PRKG1: variants seen among roughly 807,000 people sequenced by gnomAD.
PRKG1 encodes cGMP-dependent protein kinase 1.
Under a neutral mutation model 88.1 loss-of-function variants are expected in PRKG1, and 35 were observed. The observed-to-expected ratio is 0.40, with a 90% CI of 0.30 to 0.53. The LOEUF (loss-of-function observed/expected upper bound fraction) is 0.53, where lower values mean the gene tolerates loss of function less well. Among genes scored for constraint, PRKG1 ranks in the 20% least tolerant of loss-of-function variants. The pLI is 0.59. For synonymous variants in PRKG1, 303 were observed against 292.5 expected (o/e 1.04, Z -0.37); for missense variants, 540 against 839.8 (o/e 0.64, Z 4.41).
At chr10:52,029,291 T>C (rs1431384545) in intron 5 of PRKG1, among the ~76,000 whole-genome samples, 7 of 152,230 alleles carry the variant, frequency 4.6e-5, no homozygotes, top group Non-Finnish European at 1.5e-5. Flanking sequence ...CTTTCCATTA[T>C]AGTTGTTTCA....
intron 9 of PRKG1, among the ~76,000 whole-genome samples, chr10:52,188,315 TA>T (rs1839272297): frequency 3.4e-5 from 4 of 116,036 alleles, no homozygotes; most frequent in Admixed American, 8.7e-5. Context: ...TATATATACA[TA>T]TGTATATATA....
chr10:51,881,033 C>T (rs137877211), intron 4 of PRKG1, among the ~76,000 whole-genome samples: 1 of 119,656 alleles, frequency 8.4e-6, no homozygotes, highest in African/African-American at 3.3e-5. Flanking sequence ...AAAAGGGGGG[C>T]AGATAGTATG....
chr10:51,952,110 C>A (rs1034064499), intron 5 of PRKG1, among the ~76,000 whole-genome samples: 1 of 152,096 alleles, frequency 6.6e-6, no homozygotes, highest in Non-Finnish European at 1.5e-5. Context: ...TGGCTCTTTA[C>A]AGAAAAAGCT....
intron 7 of PRKG1, among the ~76,000 whole-genome samples, chr10:52,089,734 C>T (rs745672655): frequency 2.6e-5 from 4 of 151,082 alleles, no homozygotes; most frequent in African/African-American, 4.9e-5. Context: ...CACTTAAGGG[C>T]CTAGAAGCAG....
intron 1 of PRKG1, among the ~76,000 whole-genome samples, chr10:51,117,660 T>A (rs565925112): frequency 1.3e-5 from 2 of 152,326 alleles, no homozygotes; most frequent in South Asian, 4.1e-4. Context: ...ATTTCATAGA[T>A]AAAGGAGACA....
At position 51,536,644 on chromosome 10, in the gene PRKG1, CT is replaced by C. The variant is rs960560447; in HGVS notation, c.592+68817del. On this transcript the variant is annotated intron_variant, in intron 3 of 17. Coordinates refer to ENST00000373980, the MANE Select transcript of PRKG1 (RefSeq NM_006258.4). ...TCCAGAATGGTACTTCCTATGTTTTCTTTTTTTTTATTATTATTATTATACT... is the reference window on the plus strand; with the variant it reads ...TCCAGAATGGTACTTCCTATGTTTTCTTTTTTTTATTATTATTATTATACT... 1.3e-4 allele frequency among the ~76,000 whole-genome samples: 19 copies of C among 151,138 alleles called. No individual in the cohort carries two copies. In the East Asian group the frequency reaches 1.4e-3, roughly 11 times the overall value.
chr10:51,724,419 C>T (rs551193902), intron 3 of PRKG1, among the ~76,000 whole-genome samples: 1 of 152,304 alleles, frequency 6.6e-6, no homozygotes, highest in Admixed American at 6.5e-5. Flanking sequence ...CTAGTGCATG[C>T]TTCATTTTGG....
chr10:52,149,888 A>T lies in PRKG1; in HGVS notation c.1002-12001A>T, dbSNP rs959229574. ...TTGGCCGGCTGTGATGGCTCATGCCACTTATCCCAGCACTTTGGGAGGCCA... is the reference window on the plus strand; with the variant it reads ...TTGGCCGGCTGTGATGGCTCATGCCTCTTATCCCAGCACTTTGGGAGGCCA... On this transcript the variant is annotated intron_variant, in intron 8 of 17. Transcript: ENST00000373980. 5.3e-5 allele frequency among the ~76,000 whole-genome samples: 8 copies of T among 152,092 alleles called. No homozygotes were observed. The Middle Eastern group carries it at 0.01, about 194-fold the overall frequency.
chr10:51,112,408 A>G (rs1173409342), intron 1 of PRKG1, among the ~76,000 whole-genome samples: 1 of 152,152 alleles, frequency 6.6e-6, no homozygotes. Flanking sequence ...AGGAGACCAA[A>G]AAAACCCCAC....
At chr10:51,684,255 T>C (rs970583326) in intron 3 of PRKG1, among the ~76,000 whole-genome samples, 17 of 152,326 alleles carry the variant, frequency 1.1e-4, no homozygotes, top group African/African-American at 3.8e-4. Flanking sequence ...CCATACGTTG[T>C]ATGATTCACT....
intron 7 of PRKG1, among the ~76,000 whole-genome samples, chr10:52,102,992 A>C (rs1847331699): frequency 6.6e-6 from 1 of 152,180 alleles, no homozygotes; most frequent in South Asian, 2.1e-4. Flanking sequence ...GTGAGTGAGC[A>C]TTACTGCTTG....
chr10:51,714,083 C>G (rs1192866227), intron 3 of PRKG1, among the ~76,000 whole-genome samples: 10 of 152,066 alleles, frequency 6.6e-5, no homozygotes, highest in Non-Finnish European at 1.5e-4. Flanking sequence ...AGGTTTGCGC[C>G]ATTCTCCTGC....
intron 8 of PRKG1, among the ~76,000 whole-genome samples, chr10:52,160,974 G>A (rs1259461057): frequency 6.6e-6 from 1 of 152,134 alleles, no homozygotes; most frequent in African/African-American, 2.4e-5. Context: ...TGAGTACCAT[G>A]TAAGTGAGGA....
At chr10:51,880,096 C>T (rs1225118829) in intron 4 of PRKG1, among the ~76,000 whole-genome samples, 5 of 152,072 alleles carry the variant, frequency 3.3e-5, no homozygotes, top group East Asian at 1.9e-4. Context: ...AGAGATACCT[C>T]GTTTGCACAA....
At chr10:51,359,741 A>G (rs1002206441) in intron 2 of PRKG1, among the ~76,000 whole-genome samples, 8 of 151,940 alleles carry the variant, frequency 5.3e-5, no homozygotes, top group Non-Finnish European at 1.2e-4. Context: ...TGAATGGCAT[A>G]AAGTATGAGG....
chr10:52,233,442 G>C (rs1432467798), intron 9 of PRKG1, among the ~76,000 whole-genome samples: 9 of 149,544 alleles, frequency 6.0e-5, no homozygotes, highest in Non-Finnish European at 1.2e-4. Context: ...AGTGGGCGCA[G>C]GCCAGTGGGT....
At chr10:51,435,741 G>A (rs1838909371) in intron 2 of PRKG1, among the ~76,000 whole-genome samples, 1 of 151,932 alleles carries the variant, frequency 6.6e-6, no homozygotes, top group East Asian at 1.9e-4. Flanking sequence ...TGAGCATGAG[G>A]TGGAATGGGA....
At position 51,939,385 on chromosome 10, in the gene PRKG1, T is replaced by A. The variant is rs80356153; in HGVS notation, c.762+31815T>A. Among the ~76,000 whole-genome samples the A allele has an allele frequency of 7.0e-3, 1,064 of 152,102 alleles. 76 individuals are homozygous for A. In the East Asian group the frequency reaches 0.16, roughly 23 times the overall value. ...TTTGGTTTTGTTGATTTTAAAACCA[T>A]AATTAATTTTTTTAAATCCACAAAA... On this transcript the variant is annotated intron_variant, in intron 5 of 17. Transcript: ENST00000373980.
intron 9 of PRKG1, among the ~76,000 whole-genome samples, chr10:52,166,795 ATACATATATATATG>A (rs1304627422): frequency 7.6e-4 from 18 of 23,654 alleles, no homozygotes; most frequent in South Asian, 6.1e-3. Context: ...GCCTATATAT[ATACATATATATATG>A]TATATATATG....
Sources: allele counts gnomAD v4.1 joint callset (sites outside exome capture counted in the v4.1 genomes callset), GRCh38; gene constraint gnomAD v4.1.1; transcripts MANE v1.5; gene names NCBI Gene and HGNC (gene_info 2026-07-23, HGNC 2026-07-21).